KLF13: variants seen among roughly 807,000 people sequenced by gnomAD.
The protein encoded by KLF13 is Krueppel-like factor 13.
A neutral mutation model predicts 16.7 loss-of-function variants in KLF13; 8 were observed. That is an observed-to-expected ratio of 0.48 (90% CI 0.28 to 0.87). The LOEUF is 0.87. Ranked by LOEUF, KLF13 falls within the 40% of genes least tolerant of loss-of-function variation. The pLI, the probability that KLF13 is intolerant of heterozygous loss-of-function variation, is 0.10. For synonymous variants in KLF13, 245 were observed against 208.4 expected (o/e 1.18, Z -1.51); for missense variants, 447 against 452.2 (o/e 0.99, Z 0.10).
intron 1 of KLF13, among the ~76,000 whole-genome samples, chr15:31,431,718 C>A (rs564967562): frequency 6.6e-6 from 1 of 152,364 alleles, no homozygotes; most frequent in South Asian, 2.1e-4. Context: ...CCCGCCTCGG[C>A]CTCCCAAAGT....
At chr15:31,417,366 GC>G (rs2040267220) in intron 1 of KLF13, among the ~76,000 whole-genome samples, 1 of 151,582 alleles carries the variant, frequency 6.6e-6, no homozygotes, top group East Asian at 2.0e-4. Flanking sequence ...ATCATGGTGT[GC>G]GCCTGTAATC....
intron 1 of KLF13, among the ~76,000 whole-genome samples, chr15:31,349,151 G>A (rs752607131): frequency 7.9e-5 from 12 of 152,174 alleles, no homozygotes; most frequent in Non-Finnish European, 1.5e-4. Flanking sequence ...GTGGGGTACT[G>A]TATCCTCTGC....
At chr15:31,425,655 T>C (rs1346253773) in intron 1 of KLF13, among the ~76,000 whole-genome samples, 1 of 152,122 alleles carries the variant, frequency 6.6e-6, no homozygotes, top group African/African-American at 2.4e-5. Context: ...GGCGGGCAGA[T>C]CACCTGAGGT....
chr15:31,344,956 G>A (rs1458655185), intron 1 of KLF13, among the ~76,000 whole-genome samples: 2 of 152,180 alleles, frequency 1.3e-5, no homozygotes, highest in Non-Finnish European at 2.9e-5. Flanking sequence ...CAGTCTAGGT[G>A]CAAGCCAACC....
At chr15:31,367,030 A>G (rs921871355) in intron 1 of KLF13, among the ~76,000 whole-genome samples, 1 of 152,216 alleles carries the variant, frequency 6.6e-6, no homozygotes, top group Non-Finnish European at 1.5e-5. Flanking sequence ...TTCTAATACG[A>G]TGAAAGCAGT....
At chr15:31,328,026 C>T (rs546115747) in intron 1 of KLF13, among the ~76,000 whole-genome samples, 6 of 147,644 alleles carry the variant, frequency 4.1e-5, no homozygotes, top group African/African-American at 1.5e-4. Context: ...CCGGGCACGC[C>T]CCCTCCCCGG....
Position 31,383,889 on chromosome 15 carries a change from G to A in KLF13, n.224-51481G>A, listed in dbSNP as rs532509962. Reference sequence around the variant, plus strand: ...TGCACTCCAGCCTGGGCAACAGAGCGAGACTCCGTCTCAAAAAATAAATAA... The same window carrying A: ...TGCACTCCAGCCTGGGCAACAGAGCAAGACTCCGTCTCAAAAAATAAATAA... On this transcript the variant is annotated intron_variant and non_coding_transcript_variant, in intron 1 of 1. Transcript: ENST00000558921. Among the ~76,000 whole-genome samples, 22 of 151,954 alleles carry A rather than the reference G, an allele frequency of 1.4e-4. 2 individuals are homozygous for A. In the South Asian group the frequency reaches 3.5e-3, roughly 24 times the overall value.
chr15:31,353,345 C>T (rs1373164859), intron 1 of KLF13, among the ~76,000 whole-genome samples: 3 of 152,134 alleles, frequency 2.0e-5, no homozygotes, highest in Admixed American at 6.5e-5. Flanking sequence ...GTAACCGTAG[C>T]TGCAGGTGCT....
At chr15:31,334,670 T>C (rs7167092) in intron 1 of KLF13, among the ~76,000 whole-genome samples, 46,985 of 151,872 alleles carry the variant, frequency 0.31, 7,473 homozygotes, top group Non-Finnish European at 0.35. Context: ...TCAGGTGATC[T>C]GCCCACCTCG....
At chr15:31,417,963 A>T (rs1334618740) in intron 1 of KLF13, among the ~76,000 whole-genome samples, 1 of 152,126 alleles carries the variant, frequency 6.6e-6, no homozygotes, top group Non-Finnish European at 1.5e-5. Context: ...TTTTTTTTAA[A>T]TGACAAAGTG....
chr15:31,339,870 A>T (rs2038992234), intron 1 of KLF13: 2 of 683,012 alleles, frequency 2.9e-6, no homozygotes, highest in South Asian at 3.0e-5. Context: ...GCTGTGGGAG[A>T]TGCAGCAGCG....
At chr15:31,379,313 G>A (rs1470111700), downstream of KLF13, among the ~76,000 whole-genome samples, 1 of 152,164 alleles carries the variant, frequency 6.6e-6, no homozygotes, top group Non-Finnish European at 1.5e-5. Context: ...TATTTTCCCA[G>A]GACAGCCACT....
At chr15:31,384,812 G>A (rs1290507236) in intron 1 of KLF13, among the ~76,000 whole-genome samples, 1 of 152,142 alleles carries the variant, frequency 6.6e-6, no homozygotes, top group Non-Finnish European at 1.5e-5. Context: ...AAACCATGCT[G>A]CACCACAAAA....
At chr15:31,337,537 G>A (rs940488907) in intron 1 of KLF13, among the ~76,000 whole-genome samples, 1 of 152,134 alleles carries the variant, frequency 6.6e-6, no homozygotes. Context: ...AGGCAGTTTC[G>A]TCCTTATGTG....
At chr15:31,332,393 G>T (rs2038848690) in intron 1 of KLF13, among the ~76,000 whole-genome samples, 1 of 152,208 alleles carries the variant, frequency 6.6e-6, no homozygotes, top group African/African-American at 2.4e-5. Flanking sequence ...CACGCCTGGT[G>T]GCTGGCTCTC....
downstream of KLF13, among the ~76,000 whole-genome samples, chr15:31,405,314 A>G (rs1036013238): frequency 2.6e-5 from 4 of 152,200 alleles, no homozygotes; most frequent in African/African-American, 9.7e-5. Flanking sequence ...ACTCCGTCTC[A>G]AAAAAACAGA....
chr15:31,432,890 G>A (rs574202054), intron 1 of KLF13, among the ~76,000 whole-genome samples: 6 of 152,168 alleles, frequency 3.9e-5, no homozygotes, highest in South Asian at 2.1e-4. Context: ...CGAGGCAGGC[G>A]GATAACTTGA....
downstream of KLF13, among the ~76,000 whole-genome samples, chr15:31,381,145 C>G (rs1018211201): frequency 7.3e-6 from 1 of 137,050 alleles, no homozygotes; most frequent in Non-Finnish European, 1.5e-5. Context: ...GCACTCCTGC[C>G]TGGGCGACAG....
Position 31,377,480 on chromosome 15 carries a change from C to T in KLF13, c.*5181C>T, listed in dbSNP as rs558377769. Reference sequence around the variant, plus strand: ...GTGTTGGGTGCATGCTTCCGGGTCTCAGCTGCCCCAGGCCCGCACAGGCAA... The same window carrying T: ...GTGTTGGGTGCATGCTTCCGGGTCTTAGCTGCCCCAGGCCCGCACAGGCAA... On this transcript the variant is annotated 3_prime_UTR_variant, in exon 2 of 2. Transcript: ENST00000307145. 6.5e-6 allele frequency: 1 copy of T among 152,774 alleles called. No individual in the cohort carries two copies. The highest frequency in any genetic ancestry group is 1.9e-4 in the East Asian group (1 of 5,192). The allele number at this position is 152,774 out of a possible 1,614,324, so 9.5% of individuals were successfully genotyped here. A position where few individuals can be genotyped will look rare whatever the true frequency, so the allele number is the denominator to read the frequency against.
Sources: allele counts gnomAD v4.1 joint callset (sites outside exome capture counted in the v4.1 genomes callset), GRCh38; gene constraint gnomAD v4.1.1; transcripts MANE v1.5; gene names NCBI Gene and HGNC (gene_info 2026-07-23, HGNC 2026-07-21).